RHOU: variants seen among roughly 807,000 people sequenced by gnomAD.
RHOU encodes the protein ras homolog family member U.
In RHOU, 8 loss-of-function variants were observed where a neutral mutation model predicts 12.6. That is an observed-to-expected ratio of 0.64 (90% confidence interval 0.37 to 1.15). The LOEUF is 1.15. Among genes scored for constraint, RHOU ranks in the 50% most tolerant of loss-of-function variants. RHOU has a pLI of 0.01. For missense variants in RHOU, 258 were observed against 347.0 expected (o/e 0.74, Z 2.04); for synonymous variants, 161 against 147.4 (o/e 1.09, Z -0.67).
chr1:228,646,592 G>T, the RHOU span, among the ~76,000 whole-genome samples: 4 of 130,324 alleles, frequency 3.1e-5, no homozygotes, highest in African/African-American at 1.2e-4. Flanking sequence ...GGCCGGGGGG[G>T]CAAGAGGGCG....
At chr1:228,716,229 A>T in the RHOU span, among the ~76,000 whole-genome samples, 1 of 152,136 alleles carries the variant, frequency 6.6e-6, no homozygotes, top group Non-Finnish European at 1.5e-5. Context: ...ACATTGTTTT[A>T]AAAAAGCCCG....
chr1:228,682,802 A>T, the RHOU span, among the ~76,000 whole-genome samples: 2 of 152,210 alleles, frequency 1.3e-5, no homozygotes, highest in Non-Finnish European at 2.9e-5. Flanking sequence ...TATAAATATC[A>T]GTAAATTTAC....
At chr1:228,688,340 G>A in the RHOU span, among the ~76,000 whole-genome samples, 4 of 152,096 alleles carry the variant, frequency 2.6e-5, no homozygotes, top group African/African-American at 7.2e-5. Flanking sequence ...GGTTTCCCCC[G>A]AATCCTTCCA....
At chr1:228,662,297 A>G in the RHOU span, among the ~76,000 whole-genome samples, 3 of 152,236 alleles carry the variant, frequency 2.0e-5, no homozygotes, top group African/African-American at 7.2e-5. Flanking sequence ...CTAGAACTAG[A>G]AATACCATTT....
upstream of RHOU, among the ~76,000 whole-genome samples, chr1:228,734,535 GAATT>G (rs1662552513): frequency 2.6e-5 from 4 of 152,146 alleles, no homozygotes; most frequent in Admixed American, 2.6e-4. Flanking sequence ...AAGATTAAAA[GAATT>G]AGTTCTTGAA....
rs1662759386 is a variant in RHOU at position 228,743,216 on chromosome 1, G to A, written c.322-69G>A. Reference sequence around the variant, plus strand: ...CCTGCCAGACCCTTTCATGAAAAATGTGAAGGTGATCTTTTTACTGATGAG... The same window carrying A: ...CCTGCCAGACCCTTTCATGAAAAATATGAAGGTGATCTTTTTACTGATGAG... On this transcript the variant is annotated intron_variant, in intron 2 of 2. Transcript: ENST00000366691. The surrounding 1 kb of genome is among the most constrained non-coding windows in gnomAD (Gnocchi z 5.1). 1 of 1,386,024 alleles carries A rather than the reference G, an allele frequency of 7.2e-7. No homozygotes were observed. The highest frequency in any genetic ancestry group is 1.0e-6 in the Non-Finnish European group (1 of 984,000). The allele number at this position is 1,386,024 out of a possible 1,614,324, so 85.9% of individuals were successfully genotyped here.
the RHOU span, among the ~76,000 whole-genome samples, chr1:228,696,439 T>A: frequency 1.3e-5 from 2 of 152,278 alleles, no homozygotes; most frequent in South Asian, 4.1e-4. Context: ...ATTGCTTTTT[T>A]TGTCTCCTTG....
At chr1:228,697,104 C>T in the RHOU span, among the ~76,000 whole-genome samples, 3 of 152,138 alleles carry the variant, frequency 2.0e-5, no homozygotes, top group Non-Finnish European at 2.9e-5. Context: ...ACTGAAAACA[C>T]AGGACAGTTA....
At chr1:228,676,163 T>A in the RHOU span, among the ~76,000 whole-genome samples, 1 of 147,448 alleles carries the variant, frequency 6.8e-6, no homozygotes, top group African/African-American at 2.5e-5. Flanking sequence ...AGTGACAGAG[T>A]CTCCCTGTGT....
At chr1:228,646,758 G>C in the RHOU span, among the ~76,000 whole-genome samples, 1 of 152,160 alleles carries the variant, frequency 6.6e-6, no homozygotes, top group African/African-American at 2.4e-5. Context: ...ACACCCGTTC[G>C]TTCTCGTTCC....
At chr1:228,682,292 G>T in the RHOU span, among the ~76,000 whole-genome samples, 10 of 152,320 alleles carry the variant, frequency 6.6e-5, no homozygotes, top group Admixed American at 1.3e-4. Context: ...ACGGAGTGAG[G>T]GTGAGGACAG....
At chr1:228,695,250 G>A in the RHOU span, among the ~76,000 whole-genome samples, 2 of 152,296 alleles carry the variant, frequency 1.3e-5, no homozygotes, top group South Asian at 4.1e-4. Context: ...GATTACAGAT[G>A]TGAGTCACTG....
At chr1:228,674,904 G>C in the RHOU span, among the ~76,000 whole-genome samples, 1 of 151,458 alleles carries the variant, frequency 6.6e-6, no homozygotes, top group African/African-American at 2.4e-5. Context: ...CTAATTTTTT[G>C]TATTTTAGTA....
the RHOU span, among the ~76,000 whole-genome samples, chr1:228,647,336 G>T: frequency 2.0e-5 from 3 of 152,238 alleles, no homozygotes; most frequent in Non-Finnish European, 4.4e-5. Context: ...GATTTGCAGA[G>T]TGCGCCCGCC....
At chr1:228,705,374 C>T in the RHOU span, among the ~76,000 whole-genome samples, 2 of 152,116 alleles carry the variant, frequency 1.3e-5, no homozygotes, top group East Asian at 1.9e-4. Flanking sequence ...GGCCTAATTC[C>T]GACACATGTA....
At chr1:228,708,326 C>T in the RHOU span, among the ~76,000 whole-genome samples, 7 of 151,498 alleles carry the variant, frequency 4.6e-5, no homozygotes, top group African/African-American at 7.3e-5. Context: ...AGATACTCCT[C>T]GAGAAGAGCA....
At chr1:228,679,878 G>A in the RHOU span, among the ~76,000 whole-genome samples, 1 of 152,104 alleles carries the variant, frequency 6.6e-6, no homozygotes, top group South Asian at 2.1e-4. Context: ...GCGGTAATGA[G>A]GTATGGCTGT....
the RHOU span, chr1:228,652,317 T>G: frequency 1.3e-3 from 197 of 152,388 alleles, no homozygotes; most frequent in African/African-American, 4.6e-3. Context: ...CACTGACTTC[T>G]GGAATTTGCA....
chr1:228,697,648 C>T, the RHOU span, among the ~76,000 whole-genome samples: 10 of 152,232 alleles, frequency 6.6e-5, no homozygotes, highest in East Asian at 7.7e-4. Context: ...AGAAATGCAC[C>T]GATGAGGGAA....
Sources: gnomAD v4.1 joint callset for allele counts (sites outside exome capture counted in the v4.1 genomes callset) on GRCh38, gnomAD v4.1.1 for gene constraint, Gnocchi (gnomAD v3.1) non-coding constraint, MANE v1.5 for transcripts, NCBI Gene and HGNC (gene_info 2026-07-23, HGNC 2026-07-21) for gene names.